HIVEP3: variants seen among roughly 807,000 people sequenced by gnomAD.
HIVEP3 encodes HIVEP zinc finger 3, also known as transcription factor HIVEP3.
HIVEP3 carries 49 observed loss-of-function variants against 152.8 expected under a neutral mutation model. The observed-to-expected ratio is 0.32, with a 90% CI of 0.26 to 0.41. The LOEUF is 0.41. HIVEP3 is among the 10% of genes least tolerant of loss of function. The probability of loss-of-function intolerance (pLI) is 1.00; values close to 1 mark genes in which losing one functional copy is unlikely to be tolerated. For synonymous variants in HIVEP3, 1,269 were observed against 1,289.0 expected (o/e 0.98, Z 0.33); for missense variants, 2,790 against 3,103.3 (o/e 0.90, Z 2.40).
intron 1 of HIVEP3, among the ~76,000 whole-genome samples, chr1:42,025,008 T>C (rs1275983168): frequency 1.3e-5 from 2 of 152,226 alleles, no homozygotes; most frequent in Non-Finnish European, 2.9e-5. Flanking sequence ...CCTGCTAGAA[T>C]TTTCTCTTTG....
At chr1:41,935,372 T>C (rs1428227274) in intron 1 of HIVEP3, among the ~76,000 whole-genome samples, 3 of 152,184 alleles carry the variant, frequency 2.0e-5, no homozygotes, top group Non-Finnish European at 4.4e-5. Context: ...AATTATTTCC[T>C]GTGGCCCATT....
At chr1:41,611,657 C>A (rs1644898215) in intron 3 of HIVEP3, among the ~76,000 whole-genome samples, 1 of 152,206 alleles carries the variant, frequency 6.6e-6, no homozygotes. Flanking sequence ...GCTCTAGCAG[C>A]CTTTAATCAA....
intron 3 of HIVEP3, among the ~76,000 whole-genome samples, chr1:41,594,231 AT>A (rs1337555891): frequency 6.6e-6 from 1 of 152,130 alleles, no homozygotes; most frequent in East Asian, 1.9e-4. Flanking sequence ...TTATTTTATT[AT>A]TATTTTTTGA....
chr1:41,565,312 A>C (rs1644143457), intron 5 of HIVEP3, among the ~76,000 whole-genome samples: 1 of 152,110 alleles, frequency 6.6e-6, no homozygotes. Flanking sequence ...TGGGCAACCC[A>C]AGCACATTAT....
intron 1 of HIVEP3, among the ~76,000 whole-genome samples, chr1:41,884,080 C>T (rs138489577): frequency 4.6e-5 from 7 of 152,274 alleles, no homozygotes; most frequent in African/African-American, 1.7e-4. Flanking sequence ...ATTCTCGTGC[C>T]TCAGCCTCCC....
chr1:41,715,568 T>C (rs1646579923), intron 1 of HIVEP3, among the ~76,000 whole-genome samples: 1 of 152,072 alleles, frequency 6.6e-6, no homozygotes. Context: ...CAAGGCAGTT[T>C]ATTGACAGCC....
chr1:41,840,392 T>C (rs1643253319), intron 1 of HIVEP3, among the ~76,000 whole-genome samples: 1 of 152,150 alleles, frequency 6.6e-6, no homozygotes, highest in Non-Finnish European at 1.5e-5. Flanking sequence ...CGAGACCTGA[T>C]GACATCTCTA....
chr1:41,746,679 A>C (rs917703631), intron 1 of HIVEP3, among the ~76,000 whole-genome samples: 2 of 151,600 alleles, frequency 1.3e-5, no homozygotes, highest in African/African-American at 2.4e-5. Context: ...GCACTTAGCT[A>C]AGCCAAACTG....
intron 1 of HIVEP3, among the ~76,000 whole-genome samples, chr1:41,899,620 CT>C (rs1439054367): frequency 6.6e-6 from 1 of 152,134 alleles, no homozygotes; most frequent in African/African-American, 2.4e-5. Context: ...GTTGGCCGGG[CT>C]GGTCTTGAAC....
upstream of HIVEP3, among the ~76,000 whole-genome samples, chr1:41,921,405 A>G (rs921893218): frequency 1.3e-5 from 2 of 152,140 alleles, no homozygotes; most frequent in Non-Finnish European, 2.9e-5. Context: ...GTGATAGTGA[A>G]TAAGTCTCAT....
chr1:41,578,305 C>G (rs182079623), intron 4 of HIVEP3, among the ~76,000 whole-genome samples: 1 of 152,312 alleles, frequency 6.6e-6, no homozygotes, highest in Non-Finnish European at 1.5e-5. Context: ...ATAACAGCAT[C>G]TTGGGAGTGG....
intron 1 of HIVEP3, among the ~76,000 whole-genome samples, chr1:41,880,163 G>T (rs1372346328): frequency 6.6e-6 from 1 of 152,080 alleles, no homozygotes; most frequent in Non-Finnish European, 1.5e-5. Flanking sequence ...AGTCTCAAGC[G>T]ATCCTCCTAC....
At position 41,789,561 on chromosome 1, in the gene HIVEP3, A is replaced by C. The variant is rs16828704; in HGVS notation, c.-800-88566T>G. ...CCTACGGAAAATTACAATCAAGCTC[A>C]TAATTTGGCAGACCTTATTGTTTAG... On this transcript the variant is annotated intron_variant, in intron 1 of 8. Coordinates refer to ENST00000372583, the MANE Select transcript of HIVEP3 (RefSeq NM_024503.5). Among the ~76,000 whole-genome samples, 1,161 of 152,380 alleles carry C rather than the reference A, an allele frequency of 7.6e-3. 18 individuals carry two copies. The highest frequency in any genetic ancestry group is 0.027 in the African/African-American group (1,103 of 41,592).
chr1:41,804,575 T>C (rs1253165742), intron 1 of HIVEP3, among the ~76,000 whole-genome samples: 1 of 152,248 alleles, frequency 6.6e-6, no homozygotes, highest in Non-Finnish European at 1.5e-5. Flanking sequence ...AGAGTTTTTA[T>C]GTGAAAGAGA....
rs749429537 is a variant in HIVEP3, at chr1:41,688,821, GT to G, written c.-721+12094del. Among the ~76,000 whole-genome samples the G allele has an allele frequency of 4.8e-3, 686 of 144,338 alleles. 6 individuals are homozygous for G. The highest frequency in any genetic ancestry group is 0.015 in the African/African-American group (614 of 39,638). The allele number at this position is 144,338 out of a possible 152,430, so 94.7% of individuals were successfully genotyped here. On this transcript the variant is annotated intron_variant, in intron 2 of 8. Coordinates refer to ENST00000372583, the MANE Select transcript of HIVEP3 (RefSeq NM_024503.5). ...AGCTGGGAGTTCCCCAAACGGATCT[GT>G]TTTTTTTTTTTGCCTCTGTTGCTTC...
intron 1 of HIVEP3, among the ~76,000 whole-genome samples, chr1:41,769,882 A>G (rs1475619766): frequency 1.3e-5 from 2 of 152,260 alleles, no homozygotes; most frequent in Admixed American, 6.5e-5. Context: ...AAAATTGAGG[A>G]AAGTAGAAAA....
At chr1:41,871,892 C>A (rs1325400304) in intron 1 of HIVEP3, among the ~76,000 whole-genome samples, 2 of 152,114 alleles carry the variant, frequency 1.3e-5, no homozygotes, top group African/African-American at 4.8e-5. Context: ...CACCAGATCT[C>A]TTTATACTGA....
At chr1:41,768,882 C>T (rs1231076474) in intron 1 of HIVEP3, among the ~76,000 whole-genome samples, 2 of 152,248 alleles carry the variant, frequency 1.3e-5, no homozygotes, top group Non-Finnish European at 2.9e-5. Flanking sequence ...AATCTGATCT[C>T]TGAGCTCAGG....
chr1:41,931,761 T>A (rs1644996783), intron 1 of HIVEP3, among the ~76,000 whole-genome samples: 1 of 151,982 alleles, frequency 6.6e-6, no homozygotes, highest in Non-Finnish European at 1.5e-5. Flanking sequence ...AATTTCAAAG[T>A]CCATATGTTC....
Sources: gnomAD v4.1 joint callset for allele counts (sites outside exome capture counted in the v4.1 genomes callset) on GRCh38, gnomAD v4.1.1 for gene constraint, MANE v1.5 for transcripts, NCBI Gene and HGNC (gene_info 2026-07-23, HGNC 2026-07-21) for gene names.